LMAN2: variants seen among roughly 807,000 people sequenced by gnomAD.
The protein encoded by LMAN2 is lectin, mannose binding 2, also known as vesicular integral-membrane protein VIP36.
A neutral mutation model predicts 39.3 loss-of-function variants in LMAN2; 22 were observed. The ratio of observed to expected loss-of-function variants is 0.56; its 90% CI spans 0.40 to 0.80. The LOEUF is 0.80. Among genes scored for constraint, LMAN2 ranks in the 30% least tolerant of loss-of-function variants. LMAN2 has a pLI of 0.00. For missense variants in LMAN2, 494 were observed against 505.4 expected (o/e 0.98, Z 0.22); for synonymous variants, 207 against 207.8 (o/e 1.00, Z 0.03).
chr5:177,341,704 GAAC>G (rs1295414293), intron 2 of LMAN2, among the ~76,000 whole-genome samples: 2 of 152,198 alleles, frequency 1.3e-5, no homozygotes, highest in African/African-American at 4.8e-5. Context: ...AAGGAACGAA[GAAC>G]AACAAATACA....
Position 177,336,432 on chromosome 5 carries a change from T to C in LMAN2, c.790+704A>G, listed in dbSNP as rs192110082. Among the ~76,000 whole-genome samples the C allele has an allele frequency of 2.3e-3, 349 of 152,266 alleles. 1 individual carries two copies. The highest frequency in any genetic ancestry group is 7.9e-3 in the African/African-American group (330 of 41,546). Reference sequence around the variant, plus strand: ...CGATTACTGAAGGCGATTACACGGCTGCTGTGCTCACGAGAGACTGTTGGG... The same window carrying C: ...CGATTACTGAAGGCGATTACACGGCCGCTGTGCTCACGAGAGACTGTTGGG... On this transcript the variant is annotated intron_variant, in intron 6 of 7. Transcript: ENST00000303127.
At chr5:177,338,904 A>G (rs145833187) in intron 2 of LMAN2, among the ~76,000 whole-genome samples, 1 of 152,218 alleles carries the variant, frequency 6.6e-6, no homozygotes, top group Non-Finnish European at 1.5e-5. Flanking sequence ...GGTGGCTGCC[A>G]CACTGTTCAC....
chr5:177,341,661 T>G lies in LMAN2; in HGVS notation c.316-3056A>C, dbSNP rs544221767. Reference sequence around the variant, plus strand: ...TTTCATTCTTCAGGGAGAAAGAAAATGATCCCCATCCAGATGTAAAGTCAG... The same window carrying G: ...TTTCATTCTTCAGGGAGAAAGAAAAGGATCCCCATCCAGATGTAAAGTCAG... On this transcript the variant is annotated intron_variant, in intron 2 of 7. Transcript: ENST00000303127. 8.4e-4 allele frequency among the ~76,000 whole-genome samples: 128 copies of G among 152,290 alleles called. No homozygotes were observed. In the Middle Eastern group the frequency reaches 0.01, roughly 12 times the overall value.
Position 177,351,651 on chromosome 5 carries a change from C to A in LMAN2, c.-4G>T. ...AAATCCAGCCTTCCGCCGCCATTCT[C>A]CTCTCCTCTCGGCCACTTCCGCCCT... On this transcript the variant is annotated 5_prime_UTR_variant, in exon 1 of 8. Transcript: ENST00000303127. 1 of 1,583,282 alleles carries A rather than the reference C, an allele frequency of 6.3e-7. No individual in the cohort carries two copies. Among genetic ancestry groups the A allele is most frequent in the South Asian group, 1.1e-5 (1 of 87,236 alleles).
At chr5:177,344,215 C>A (rs887095084) in intron 2 of LMAN2, among the ~76,000 whole-genome samples, 2 of 150,910 alleles carry the variant, frequency 1.3e-5, no homozygotes, top group Admixed American at 6.6e-5. Context: ...GAGACCCCCC[C>A]CATCTCTAAA....
At chr5:177,341,308 C>T (rs1436595280) in intron 2 of LMAN2, among the ~76,000 whole-genome samples, 6 of 151,938 alleles carry the variant, frequency 3.9e-5, no homozygotes, top group African/African-American at 7.3e-5. Flanking sequence ...TAAGGTGATC[C>T]GCCCGTCTCG....
At chr5:177,340,467 T>C (rs1339285956) in intron 2 of LMAN2, among the ~76,000 whole-genome samples, 4 of 152,100 alleles carry the variant, frequency 2.6e-5, no homozygotes, top group Non-Finnish European at 5.9e-5. Context: ...CTGGAGTGTC[T>C]ATTGTTCTCC....
intron 2 of LMAN2, among the ~76,000 whole-genome samples, chr5:177,345,808 C>T: frequency 6.6e-6 from 1 of 151,758 alleles, no homozygotes; most frequent in East Asian, 1.9e-4. Flanking sequence ...CGCTCTGTCG[C>T]CCAGGCTGGA....
chr5:177,337,874 G>C lies in LMAN2; in HGVS notation c.434-89C>G, dbSNP rs1761498272. ...AGGCAAGCAATGCCAACATGGGTGG[G>C]GGCAAGAGAGCCCAACCCACTGGCC... On this transcript the variant is annotated intron_variant, in intron 3 of 7. Coordinates refer to ENST00000303127, the MANE Select transcript of LMAN2 (RefSeq NM_006816.3). This position sits in a 1 kb window ranked among gnomAD's most constrained non-coding sequence, Gnocchi z 8.2. 8.6e-7 allele frequency: 1 copy of C among 1,162,056 alleles called. No individual in the cohort carries two copies. The highest frequency in any genetic ancestry group is 1.3e-6 in the Non-Finnish European group (1 of 791,118). The allele number at this position is 1,162,056 out of a possible 1,614,324, so 72.0% of individuals were successfully genotyped here.
Position 177,351,634 on chromosome 5 carries a change from C to G in LMAN2, c.14G>C (p.Gly5Ala), listed in dbSNP as rs1761729385. Reference sequence around the variant, plus strand: ...GCCCCAGCCCCAACGCCAAATCCAGCCTTCCGCCGCCATTCTCCTCTCCTC... The same window carrying G: ...GCCCCAGCCCCAACGCCAAATCCAGGCTTCCGCCGCCATTCTCCTCTCCTC... MAAE[G>A]WIWRWGWGRR... The change falls in exon 1 of 8, where the codon GGC becomes GCC. Residue 5 changes from glycine to alanine, a missense_variant. Gly to Ala is a moderately conservative substitution (Grantham distance 60, BLOSUM62 0). Coordinates refer to ENST00000303127, the MANE Select transcript of LMAN2 (RefSeq NM_006816.3). 1 of 1,592,052 alleles carries G rather than the reference C, an allele frequency of 6.3e-7. No homozygotes were observed. Among genetic ancestry groups the G allele is most frequent in the East Asian group, 2.2e-5 (1 of 44,680 alleles).
chr5:177,341,942 A>G (rs556363756), intron 2 of LMAN2, among the ~76,000 whole-genome samples: 43 of 152,332 alleles, frequency 2.8e-4, no homozygotes, highest in Admixed American at 2.0e-3. Flanking sequence ...CTGAGAAAAG[A>G]GCATATAACT....
intron 2 of LMAN2, among the ~76,000 whole-genome samples, chr5:177,340,832 G>A (rs993841740): frequency 4.0e-5 from 6 of 151,362 alleles, no homozygotes; most frequent in Non-Finnish European, 8.8e-5. Context: ...TCTGCTCACT[G>A]CGAGCTCTGC....
chr5:177,335,240 G>T (rs928290095), intron 6 of LMAN2, among the ~76,000 whole-genome samples: 2 of 152,232 alleles, frequency 1.3e-5, no homozygotes, highest in African/African-American at 2.4e-5. Flanking sequence ...GAGCGGCCCT[G>T]CAGGACAAGG....
At position 177,337,585 on chromosome 5, in the gene LMAN2, C is replaced by A. The variant is rs1761494574; in HGVS notation, c.514-61G>T. On this transcript the variant is annotated intron_variant, in intron 4 of 7. Coordinates refer to ENST00000303127, the MANE Select transcript of LMAN2 (RefSeq NM_006816.3). This position sits in a 1 kb window ranked among gnomAD's most constrained non-coding sequence, Gnocchi z 8.2. ...CAGCCTGTGGGGCGAGCAGGGGCAC[C>A]CACCACCCCAATCCCTGGAGGCTCC... 6 of 1,607,292 alleles carry A rather than the reference C, an allele frequency of 3.7e-6. No homozygotes were observed. Among genetic ancestry groups the A allele is most frequent in the Non-Finnish European group, 5.1e-6 (6 of 1,175,282 alleles).
intron 2 of LMAN2, among the ~76,000 whole-genome samples, chr5:177,340,941 G>A (rs1175584385): frequency 6.6e-6 from 1 of 151,672 alleles, no homozygotes; most frequent in Non-Finnish European, 1.5e-5. Context: ...ATTTTTAGTA[G>A]AGACAGGGTT....
intron 7 of LMAN2, 112 bp downstream of exon 7, chr5:177,334,172 C>T: frequency 6.8e-7 from 1 of 1,468,850 alleles, no homozygotes; most frequent in South Asian, 1.3e-5. Context: ...TCCAAGAGCC[C>T]AGACCACAAC....
intron 2 of LMAN2, among the ~76,000 whole-genome samples, chr5:177,350,538 C>T (rs1761706067): frequency 6.6e-6 from 1 of 152,204 alleles, no homozygotes; most frequent in Admixed American, 6.5e-5. Flanking sequence ...TGACAAGACC[C>T]TCAACCAAGC....
chr5:177,346,242 T>A (rs1761636416), intron 2 of LMAN2: 2 of 216,384 alleles, frequency 9.2e-6, no homozygotes, highest in East Asian at 1.9e-4. Flanking sequence ...CTGGAACGCC[T>A]ATCAAGGCTT....
At chr5:177,333,115 G>A (rs914895873) in intron 7 of LMAN2, among the ~76,000 whole-genome samples, 2 of 152,196 alleles carry the variant, frequency 1.3e-5, no homozygotes, top group African/African-American at 2.4e-5. Flanking sequence ...TCTGCACACC[G>A]ACAGCAGCGG....
Sources: gnomAD v4.1 joint callset for allele counts (sites outside exome capture counted in the v4.1 genomes callset) on GRCh38, gnomAD v4.1.1 for gene constraint, Gnocchi (gnomAD v3.1) non-coding constraint, MANE v1.5 for transcripts, NCBI Gene and HGNC (gene_info 2026-07-23, HGNC 2026-07-21) for gene names.